TMEM184B: variants seen among roughly 807,000 people sequenced by gnomAD.
The protein encoded by TMEM184B is transmembrane protein 184B.
In TMEM184B, 17 loss-of-function variants were observed where a neutral mutation model predicts 41.8. That is an observed-to-expected ratio of 0.41 (90% confidence interval 0.28 to 0.61). TMEM184B has a LOEUF of 0.61. Ranked by LOEUF, TMEM184B falls within the 20% of genes least tolerant of loss-of-function variation. TMEM184B has a pLI of 0.34. For synonymous variants in TMEM184B, 240 were observed against 229.5 expected (o/e 1.05, Z -0.41); for missense variants, 393 against 557.8 (o/e 0.70, Z 2.98).
chr22:38,235,189 A>T (rs1280238141), intron 3 of TMEM184B, among the ~76,000 whole-genome samples: 1 of 152,024 alleles, frequency 6.6e-6, no homozygotes, highest in African/African-American at 2.4e-5. Context: ...AGGAGGGGAC[A>T]CCCCACTCTC....
intron 1 of TMEM184B, among the ~76,000 whole-genome samples, chr22:38,271,430 G>T (rs1402168592): frequency 6.6e-6 from 1 of 152,188 alleles, no homozygotes; most frequent in East Asian, 1.9e-4. Flanking sequence ...TCTGCAAATA[G>T]GGACAACTGT....
chr22:38,246,157 G>GTCCCCAGCTGACCCCACA, intron 2 of TMEM184B, 57 bp from the exon 3 acceptor site: 1 of 1,576,640 alleles, frequency 6.3e-7, no homozygotes, highest in Non-Finnish European at 8.6e-7. Flanking sequence ...GGACGGGAGG[G>GTCCCCAGCTGACCCCACA]CAGGTGGGCT....
intron 1 of TMEM184B, 48 bp downstream of exon 1, chr22:38,272,836 C>G: frequency 1.0e-6 from 1 of 961,148 alleles, no homozygotes; most frequent in Non-Finnish European, 1.2e-6. Flanking sequence ...GCTCGGGAGT[C>G]GCAGCTCCCC....
chr22:38,218,926 C>T (rs11089873), downstream of TMEM184B, among the ~76,000 whole-genome samples: 143,418 of 152,272 alleles, frequency 0.94, 67,573 homozygotes, highest in East Asian at 0.98. Context: ...GGGTGGAGGA[C>T]AGTCCCAGAG....
Position 38,251,942 on chromosome 22 carries a change from T to A in TMEM184B, c.-58-3923A>T, listed in dbSNP as rs532300948. ...AAGAGTCTTGCTCTGTTGCTCAGGC[T>A]GCAGTGCAATGACATGATCACAGCT... On this transcript the variant is annotated intron_variant, in intron 1 of 8. Transcript: ENST00000361906. Among the ~76,000 whole-genome samples, 13 of 151,040 alleles carry A rather than the reference T, an allele frequency of 8.6e-5. No individual in the cohort carries two copies. In the South Asian group the frequency reaches 2.7e-3, roughly 32 times the overall value.
At position 38,219,693 on chromosome 22, in the gene TMEM184B, G is replaced by A. The variant is rs752724462; in HGVS notation, c.*1776C>T. On this transcript the variant is annotated 3_prime_UTR_variant, in exon 9 of 9. Coordinates refer to ENST00000361906, the MANE Select transcript of TMEM184B (RefSeq NM_012264.5). ...GCAACGCTGGGCAGGCGAAAACCAA[G>A]GGAGTGGGAATCAGCAGCACTTTGG... The A allele has an allele frequency of 2.0e-6, 2 of 985,586 alleles. No homozygotes were observed. Among genetic ancestry groups the A allele is most frequent in the Non-Finnish European group, 2.4e-6 (2 of 829,988 alleles). 61.1% of individuals were successfully genotyped at this position (985,586 alleles called of 1,614,324 possible). A position where few individuals can be genotyped will look rare whatever the true frequency, so the allele number is the denominator to read the frequency against.
chr22:38,236,001 G>T (rs2091764344), intron 3 of TMEM184B, among the ~76,000 whole-genome samples: 1 of 152,156 alleles, frequency 6.6e-6, no homozygotes, highest in South Asian at 2.1e-4. Context: ...GGTGTGCCAG[G>T]CTCTGTGCTA....
rs1200961736 is a variant in TMEM184B at position 38,247,934 on chromosome 22, G to A, written c.28C>T (p.Pro10Ser). The A allele has an allele frequency of 3.8e-6, 6 of 1,591,620 alleles. No homozygotes were observed. Among genetic ancestry groups the A allele is most frequent in the Admixed American group, 3.5e-5 (2 of 57,244 alleles). MTVRGDVLA[P>S]DPASPTTAAA... The stretch of plus-strand genomic sequence containing the variant: ...GCGGTCGTGGGCGACGCTGGATCCG[G>A]GGCCAGCACATCCCCCCTCACTGTC... The change falls in exon 2 of 9, where the codon CCG (proline) becomes TCG (serine). Residue 10 changes from proline (P) to serine (S), a missense_variant. Pro to Ser is a moderately conservative substitution (Grantham distance 74, BLOSUM62 -1). Coordinates refer to ENST00000361906, the MANE Select transcript of TMEM184B (RefSeq NM_012264.5).
chr22:38,238,184 T>C (rs573268805), intron 3 of TMEM184B, among the ~76,000 whole-genome samples: 2 of 151,766 alleles, frequency 1.3e-5, no homozygotes, highest in Admixed American at 6.6e-5. Flanking sequence ...TCTCTTCTAC[T>C]GGCTTCTTCT....
rs139246028 is a variant in TMEM184B, at chr22:38,263,812, G to C, written c.-59+9072C>G. Among the ~76,000 whole-genome samples, 372 of 152,266 alleles carry C rather than the reference G, an allele frequency of 2.4e-3. 4 individuals carry two copies. The highest frequency in any genetic ancestry group is 8.5e-3 in the African/African-American group (353 of 41,560). ...AAATATAGAAAATATGTAGGTTTCT[G>C]TTTGTTTTTTGAGATGCAGTCTCGC... is the stretch of plus-strand genomic sequence containing the variant. On this transcript the variant is annotated intron_variant, in intron 1 of 8. Coordinates refer to ENST00000361906, the MANE Select transcript of TMEM184B (RefSeq NM_012264.5).
chr22:38,219,672 C>T lies in TMEM184B; in HGVS notation c.*1797G>A, dbSNP rs935180795. 37 of 985,416 alleles carry T rather than the reference C, an allele frequency of 3.8e-5. No individual in the cohort carries two copies. Among genetic ancestry groups the T allele is most frequent in the Non-Finnish European group, 4.2e-5 (35 of 829,968 alleles). The allele number at this position is 985,416 out of a possible 1,614,324, so 61.0% of individuals were successfully genotyped here. A position where few individuals can be genotyped will look rare whatever the true frequency, so the allele number is the denominator to read the frequency against. ...CCCCCACCCTCCACGCAAACAGCAA[C>T]GCTGGGCAGGCGAAAACCAAGGGAG... On this transcript the variant is annotated 3_prime_UTR_variant, in exon 9 of 9. Transcript: ENST00000361906.
intron 1 of TMEM184B, among the ~76,000 whole-genome samples, chr22:38,252,737 C>T (rs185957610): frequency 1.1e-4 from 17 of 152,300 alleles, no homozygotes; most frequent in East Asian, 1.9e-4. Flanking sequence ...GACTCCACCA[C>T]GTGCAACCTG....
chr22:38,261,992 A>T (rs1196701447), intron 1 of TMEM184B, among the ~76,000 whole-genome samples: 1 of 152,264 alleles, frequency 6.6e-6, no homozygotes, highest in African/African-American at 2.4e-5. Flanking sequence ...ACAAGAATGA[A>T]TTCACCGAAG....
chr22:38,253,071 G>A lies in TMEM184B; in HGVS notation c.-58-5052C>T, dbSNP rs545899540. 1.6e-3 allele frequency among the ~76,000 whole-genome samples: 240 copies of A among 152,262 alleles called. 3 individuals carry two copies. The highest frequency in any genetic ancestry group is 5.3e-3 in the African/African-American group (220 of 41,536). On this transcript the variant is annotated intron_variant, in intron 1 of 8. Transcript: ENST00000361906. The stretch of plus-strand genomic sequence containing the variant: ...GCAGGAGAATGGCGTGAACCCGGGA[G>A]GCAGAGCTTGCAGTGAGCCGAGATC...
At chr22:38,246,790 C>G in intron 2 of TMEM184B, 1 of 1,241,990 alleles carries the variant, frequency 8.1e-7, no homozygotes, top group African/African-American at 1.6e-5. Context: ...CACACAAATG[C>G]CAAGAGCTGC....
In TMEM184B at chr22:38,247,772, G is replaced by C; in HGVS notation, c.190C>G (p.Gln64Glu). 6.2e-7 allele frequency: 1 copy of C among 1,610,848 alleles called. No individual in the cohort carries two copies. The highest frequency in any genetic ancestry group is 8.5e-7 in the Non-Finnish European group (1 of 1,177,652). ...GGCCCCTTGCCAGGCTTGGGTACCT[G>C]GTGGCATGTGATGAGCAGGGCCGTC... is the stretch of plus-strand genomic sequence containing the variant. ...VWTALLITCH[Q>E]IYMHLRCYSC... The change falls in exon 2 of 9, where the codon CAG becomes GAG. Residue 64 changes from glutamine to glutamate, a missense_variant and splice_region_variant. Physicochemically the swap from Gln to Glu is conservative, Grantham distance 29 (BLOSUM62 2). Coordinates refer to ENST00000361906, the MANE Select transcript of TMEM184B (RefSeq NM_012264.5).
chr22:38,227,954 C>G (rs773174950), intron 5 of TMEM184B, among the ~76,000 whole-genome samples: 7 of 152,224 alleles, frequency 4.6e-5, no homozygotes, highest in Non-Finnish European at 1.0e-4. Flanking sequence ...AAGACCCCTT[C>G]TGAGGAGCTG....
rs1665978082 is a variant in TMEM184B at position 38,221,015 on chromosome 22, G to A, written c.*454C>T. 1.0e-6 allele frequency: 1 copy of A among 1,003,334 alleles called. No homozygotes were observed. The highest frequency in any genetic ancestry group is 4.4e-5 in the South Asian group (1 of 22,858). The allele number at this position is 1,003,334 out of a possible 1,614,324, so 62.2% of individuals were successfully genotyped here. A position where few individuals can be genotyped will look rare whatever the true frequency, so the allele number is the denominator to read the frequency against. On this transcript the variant is annotated 3_prime_UTR_variant, in exon 9 of 9. Coordinates refer to ENST00000361906, the MANE Select transcript of TMEM184B (RefSeq NM_012264.5). ...GCACTGGACAAAGGTGGACAGGGGAGGGATGCAGGCGGGAAGAGCCCAGGT... is the reference window on the plus strand; with the variant it reads ...GCACTGGACAAAGGTGGACAGGGGAAGGATGCAGGCGGGAAGAGCCCAGGT...
At chr22:38,242,540 G>C (rs917717715) in intron 3 of TMEM184B, among the ~76,000 whole-genome samples, 4 of 152,200 alleles carry the variant, frequency 2.6e-5, no homozygotes, top group Admixed American at 1.3e-4. Flanking sequence ...CCTCAGGAAG[G>C]GCTGGCTGGA....
Sources: gnomAD v4.1 joint callset for allele counts (sites outside exome capture counted in the v4.1 genomes callset) on GRCh38, gnomAD v4.1.1 for gene constraint, MANE v1.5 for transcripts, NCBI Gene and HGNC (gene_info 2026-07-23, HGNC 2026-07-21) for gene names.